The following APBB2 variants were observed in gnomAD, a reference collection of about 807,000 sequenced individuals.
APBB2 encodes the protein Fe65-like 1.
Under a neutral mutation model 82.5 loss-of-function variants are expected in APBB2, and 38 were observed. The ratio of observed to expected loss-of-function variants is 0.46; its 90% CI spans 0.36 to 0.60. APBB2 has a LOEUF of 0.60. APBB2 is among the 20% of genes least tolerant of loss of function. APBB2 has a pLI of 0.00. For missense variants in APBB2, 772 were observed against 972.3 expected (o/e 0.79, Z 2.74); for synonymous variants, 341 against 368.2 (o/e 0.93, Z 0.85).
At chr4:40,996,109 G>T (rs1392605378) in intron 6 of APBB2, among the ~76,000 whole-genome samples, 2 of 152,194 alleles carry the variant, frequency 1.3e-5, no homozygotes, top group African/African-American at 4.8e-5. Flanking sequence ...AAGCATGCTT[G>T]TCTTTCTACA....
chr4:41,160,026 GA>G lies in APBB2; in HGVS notation c.-416-16885del, dbSNP rs1560914443. Among the ~76,000 whole-genome samples, 20 of 146,858 alleles carry G rather than the reference GA, an allele frequency of 1.4e-4. No homozygotes were observed. In the East Asian group the frequency reaches 3.9e-3, roughly 29 times the overall value. Reference sequence around the variant, plus strand: ...AGAAGAAGAAGAAGAAGAAGAAGAAGAAGAAGAAGAAAACATCACAGGATGC... The same window carrying G: ...AGAAGAAGAAGAAGAAGAAGAAGAAGAGAAGAAGAAAACATCACAGGATGC... On this transcript the variant is annotated intron_variant, in intron 1 of 17. Coordinates refer to ENST00000508593, the MANE Select transcript of APBB2 (RefSeq NM_004307.2).
intron 7 of APBB2, among the ~76,000 whole-genome samples, chr4:40,939,088 C>T (rs544713005): frequency 6.6e-6 from 1 of 152,294 alleles, no homozygotes; most frequent in Non-Finnish European, 1.5e-5. Flanking sequence ...AGGAAGAAGG[C>T]CCTCATCAGA....
intron 1 of APBB2, among the ~76,000 whole-genome samples, chr4:41,157,347 C>A (rs939430193): frequency 6.6e-6 from 1 of 152,160 alleles, no homozygotes; most frequent in Non-Finnish European, 1.5e-5. Flanking sequence ...TTCAAATGAC[C>A]TTCTAACACT....
intron 6 of APBB2, among the ~76,000 whole-genome samples, chr4:40,950,780 T>G (rs1048789634): frequency 6.6e-6 from 1 of 151,416 alleles, no homozygotes; most frequent in Non-Finnish European, 1.5e-5. Flanking sequence ...GAGGCGGAGG[T>G]TGCAGTGAGC....
chr4:41,189,063 A>G (rs1365878609), intron 1 of APBB2, among the ~76,000 whole-genome samples: 10 of 152,222 alleles, frequency 6.6e-5, no homozygotes, highest in Non-Finnish European at 1.3e-4. Context: ...AATGCCTGGT[A>G]AGTGTCTACC....
chr4:41,129,572 C>T (rs1367110938), intron 2 of APBB2, among the ~76,000 whole-genome samples: 2 of 152,204 alleles, frequency 1.3e-5, no homozygotes, highest in Non-Finnish European at 2.9e-5. Flanking sequence ...TTGTGCCTCA[C>T]TGAACCATGT....
chr4:41,095,231 T>C (rs1412747292), intron 3 of APBB2, among the ~76,000 whole-genome samples: 2 of 152,230 alleles, frequency 1.3e-5, no homozygotes, highest in African/African-American at 4.8e-5. Flanking sequence ...GGTAATAACA[T>C]CCACTGCTGA....
At chr4:41,186,703 A>G (rs956769722) in intron 1 of APBB2, among the ~76,000 whole-genome samples, 3 of 152,214 alleles carry the variant, frequency 2.0e-5, no homozygotes, top group Non-Finnish European at 4.4e-5. Context: ...TAAACCCACC[A>G]TAAATTGAAA....
chr4:40,987,840 C>T (rs1003687048), intron 6 of APBB2, among the ~76,000 whole-genome samples: 16 of 152,094 alleles, frequency 1.1e-4, no homozygotes, highest in Non-Finnish European at 1.9e-4. Flanking sequence ...TGAATGGTCA[C>T]CTCTCTAGAA....
intron 10 of APBB2, among the ~76,000 whole-genome samples, chr4:40,918,430 G>T (rs1254579446): frequency 1.3e-5 from 2 of 152,230 alleles, no homozygotes; most frequent in Non-Finnish European, 2.9e-5. Flanking sequence ...TAAGTTAAAA[G>T]ATTTGGGGGA....
intron 5 of APBB2, among the ~76,000 whole-genome samples, chr4:41,028,444 C>G (rs1715372957): frequency 6.6e-6 from 1 of 152,184 alleles, no homozygotes; most frequent in African/African-American, 2.4e-5. Context: ...GCTCTGTTTT[C>G]TCTTTTTCTT....
intron 5 of APBB2, among the ~76,000 whole-genome samples, chr4:41,022,437 T>A (rs1203081527): frequency 6.6e-6 from 1 of 152,192 alleles, no homozygotes; most frequent in African/African-American, 2.4e-5. Flanking sequence ...ATCGCATACA[T>A]CATCTTCCTT....
intron 5 of APBB2, among the ~76,000 whole-genome samples, chr4:41,017,132 A>G (rs939229678): frequency 1.3e-5 from 2 of 152,132 alleles, no homozygotes; most frequent in African/African-American, 4.8e-5. Flanking sequence ...CCTGGGTTCA[A>G]GTAATCCTCC....
At chr4:40,974,278 T>C (rs2154399923) in intron 6 of APBB2, among the ~76,000 whole-genome samples, 1 of 152,336 alleles carries the variant, frequency 6.6e-6, no homozygotes, top group African/African-American at 2.4e-5. Context: ...TACCAGAGGT[T>C]AGCTCTTCAA....
In APBB2 at chr4:40,832,013, T is replaced by TACACACACACACACACACACAC. The variant is rs1553930075; in HGVS notation, c.1530-1458_1530-1437dup. On this transcript the variant is annotated intron_variant, in intron 12 of 17. Coordinates refer to ENST00000508593, the MANE Select transcript of APBB2 (RefSeq NM_004307.2). The surrounding 1 kb of genome is among the most constrained non-coding windows in gnomAD (Gnocchi z 4.8). ...ACACATATTTATATATTTATTTATA[T>TACACACACACACACACACACAC]ACACACACACACACACACACACACA... Among the ~76,000 whole-genome samples, 29 of 138,882 alleles carry TACACACACACACACACACACAC rather than the reference T, an allele frequency of 2.1e-4. No homozygotes were observed. Among genetic ancestry groups the TACACACACACACACACACACAC allele is most frequent in the African/African-American group, 4.3e-4 (16 of 37,016 alleles). 91.1% of individuals were successfully genotyped at this position (138,882 alleles called of 152,430 possible).
At chr4:41,025,503 T>C (rs573970003) in intron 5 of APBB2, among the ~76,000 whole-genome samples, 2 of 152,156 alleles carry the variant, frequency 1.3e-5, no homozygotes, top group Middle Eastern at 3.4e-3. Context: ...ATCCTGTTAC[T>C]GGGTATATAC....
At chr4:40,980,816 C>G (rs941422356) in intron 6 of APBB2, among the ~76,000 whole-genome samples, 21 of 152,166 alleles carry the variant, frequency 1.4e-4, no homozygotes, top group African/African-American at 2.9e-4. Context: ...CCAACTCAGG[C>G]TTTTTCTCAA....
intron 12 of APBB2, among the ~76,000 whole-genome samples, chr4:40,840,807 C>T (rs1270832542): frequency 6.6e-6 from 1 of 152,130 alleles, no homozygotes; most frequent in Non-Finnish European, 1.5e-5. Context: ...CTCTCTAGAA[C>T]AGGGTCCTGG....
chr4:40,957,282 A>C (rs1271852626), intron 6 of APBB2, among the ~76,000 whole-genome samples: 1 of 152,268 alleles, frequency 6.6e-6, no homozygotes. Context: ...TCTTCATTAA[A>C]AAAATATGAT....
Sources: allele counts gnomAD v4.1 joint callset (sites outside exome capture counted in the v4.1 genomes callset), GRCh38; gene constraint gnomAD v4.1.1; non-coding constraint Gnocchi (gnomAD v3.1); transcripts MANE v1.5; gene names NCBI Gene and HGNC (gene_info 2026-07-23, HGNC 2026-07-21).